The following MEF2C variants were observed in gnomAD, a reference collection of about 807,000 sequenced individuals.
The protein encoded by MEF2C is myocyte-specific enhancer factor 2C.
In MEF2C, 6 loss-of-function variants were observed where a neutral mutation model predicts 50.5. The ratio of observed to expected loss-of-function variants is 0.12; its 90% CI spans 0.07 to 0.23. The LOEUF is 0.23. MEF2C is among the 10% of genes least tolerant of loss of function. MEF2C has a pLI of 1.00. For missense variants in MEF2C, 276 were observed against 605.0 expected, an observed-to-expected ratio of 0.46 and a Z score of 5.70; for synonymous variants, 183 against 228.0, an observed-to-expected ratio of 0.80 and a Z score of 1.78.
chr5:88,751,506 G>A, intron 5 of MEF2C: 1 of 985,388 alleles, frequency 1.0e-6, no homozygotes, highest in Non-Finnish European at 1.2e-6. Flanking sequence ...TGGTAGCTTG[G>A]CCAGGAGGAA....
chr5:88,729,535 C>T (rs367918207), intron 8 of MEF2C, 188 bp from the exon 9 acceptor site: 2 of 570,230 alleles, frequency 3.5e-6, no homozygotes, highest in South Asian at 2.1e-5. Context: ...CCAGCTGTTG[C>T]CATAGTAACC....
chr5:88,847,772 T>C (rs754125670), intron 1 of MEF2C, among the ~76,000 whole-genome samples: 2 of 152,146 alleles, frequency 1.3e-5, no homozygotes, highest in Non-Finnish European at 2.9e-5. Context: ...AACATGTGAA[T>C]CTGGTACATA....
chr5:88,838,739 CT>C, intron 1 of MEF2C: 1 of 984,486 alleles, frequency 1.0e-6, no homozygotes, highest in Middle Eastern at 5.2e-4. Flanking sequence ...CTTTTTCCTT[CT>C]CGTTATGCTC....
intron 1 of MEF2C, among the ~76,000 whole-genome samples, chr5:88,856,453 C>T (rs1823381495): frequency 6.6e-6 from 1 of 152,190 alleles, no homozygotes; most frequent in African/African-American, 2.4e-5. Flanking sequence ...CAGAAATTTG[C>T]ATCAGTAACA....
chr5:88,793,714 A>G (rs886546732), intron 3 of MEF2C, among the ~76,000 whole-genome samples: 4 of 152,186 alleles, frequency 2.6e-5, no homozygotes, highest in African/African-American at 9.7e-5. Flanking sequence ...TTACATAAGT[A>G]TACACGTGCC....
intron 6 of MEF2C, chr5:88,743,735 C>T: frequency 1.0e-6 from 1 of 985,412 alleles, no homozygotes; most frequent in Non-Finnish European, 1.2e-6. Context: ...TTATCCACGG[C>T]AGTACACTGC....
At chr5:88,897,361 A>G (rs1005733117) in intron 1 of MEF2C, among the ~76,000 whole-genome samples, 3 of 152,206 alleles carry the variant, frequency 2.0e-5, no homozygotes, top group Non-Finnish European at 2.9e-5. Context: ...ACTCACCCAC[A>G]GGAGAATAAA....
At chr5:88,747,328 TAC>T (rs1770241873) in intron 6 of MEF2C, among the ~76,000 whole-genome samples, 1 of 57,490 alleles carries the variant, frequency 1.7e-5, no homozygotes, top group Admixed American at 1.9e-4. Context: ...TTTTTTTTTT[TAC>T]TACTTTTTTT....
intron 4 of MEF2C, 132 bp downstream of exon 4, chr5:88,761,053 T>C: frequency 6.2e-7 from 1 of 1,613,806 alleles, no homozygotes; most frequent in Non-Finnish European, 8.5e-7. Flanking sequence ...TTTTCTTCAG[T>C]GCGTGGGGTG....
chr5:88,832,413 T>C, intron 1 of MEF2C, among the ~76,000 whole-genome samples: 1 of 152,130 alleles, frequency 6.6e-6, no homozygotes, highest in Admixed American at 6.6e-5. Flanking sequence ...AAAGTAAGAC[T>C]TCTGAAGTTA....
chr5:88,768,019 G>A (rs1780778032), intron 3 of MEF2C, among the ~76,000 whole-genome samples: 1 of 152,134 alleles, frequency 6.6e-6, no homozygotes, highest in Non-Finnish European at 1.5e-5. Flanking sequence ...CTTCAGGAAT[G>A]AGCCCACCAA....
chr5:88,741,601 T>G, intron 6 of MEF2C: 1 of 983,152 alleles, frequency 1.0e-6, no homozygotes, highest in South Asian at 4.7e-5. Context: ...TAAATTAATG[T>G]TATAATGTTT....
At chr5:88,774,635 G>A (rs1264823388) in intron 3 of MEF2C, among the ~76,000 whole-genome samples, 2 of 152,212 alleles carry the variant, frequency 1.3e-5, no homozygotes, top group East Asian at 3.8e-4. Flanking sequence ...TACTTGTAGA[G>A]ATGGAGAGAA....
At chr5:88,799,061 C>T (rs772618869) in intron 3 of MEF2C, among the ~76,000 whole-genome samples, 2 of 152,314 alleles carry the variant, frequency 1.3e-5, no homozygotes, top group East Asian at 3.9e-4. Context: ...GGAGCTCTCT[C>T]GTATGAGGTG....
At chr5:88,824,007 C>T (rs1195211365) in intron 1 of MEF2C, 77 bp from the exon 2 acceptor site, 1 of 1,247,162 alleles carries the variant, frequency 8.0e-7, no homozygotes, top group Non-Finnish European at 1.0e-6. Context: ...CTAATTTTAT[C>T]AAGGAAATAA....
At chr5:88,862,509 C>T (rs1825840661) in intron 1 of MEF2C, among the ~76,000 whole-genome samples, 1 of 151,808 alleles carries the variant, frequency 6.6e-6, no homozygotes, top group South Asian at 2.1e-4. Flanking sequence ...CCCTGAAGTA[C>T]TTGTCTTTCT....
intron 1 of MEF2C, among the ~76,000 whole-genome samples, chr5:88,827,522 T>G (rs1811386742): frequency 6.6e-6 from 1 of 151,776 alleles, no homozygotes; most frequent in Non-Finnish European, 1.5e-5. Flanking sequence ...CTTGGAGAGG[T>G]TCAGATAAGG....
At chr5:88,823,189 T>C (rs535169709) in intron 2 of MEF2C, among the ~76,000 whole-genome samples, 44 of 152,108 alleles carry the variant, frequency 2.9e-4, no homozygotes, top group African/African-American at 1.0e-3. Context: ...TAACCGATAG[T>C]CCTTGCCTAT....
At chr5:88,807,474 T>C (rs1800974666) in intron 2 of MEF2C, among the ~76,000 whole-genome samples, 1 of 152,164 alleles carries the variant, frequency 6.6e-6, no homozygotes, top group Non-Finnish European at 1.5e-5. Context: ...GCTCAAGCGA[T>C]CCTCCCGCTT....
Sources: allele counts gnomAD v4.1 joint callset (sites outside exome capture counted in the v4.1 genomes callset), GRCh38; gene constraint gnomAD v4.1.1; transcripts MANE v1.5; gene names NCBI Gene and HGNC (gene_info 2026-07-23, HGNC 2026-07-21).